The following SUSD1 variants were observed in gnomAD, a reference collection of about 807,000 sequenced individuals.
The protein encoded by SUSD1 is sushi domain containing 1, also known as sushi domain-containing protein 1.
Under a neutral mutation model 86.9 loss-of-function variants are expected in SUSD1, and 65 were observed. The observed-to-expected ratio is 0.75, with a 90% CI of 0.61 to 0.92. The LOEUF (loss-of-function observed/expected upper bound fraction) is 0.92. Among genes scored for constraint, SUSD1 ranks in the 40% least tolerant of loss-of-function variants. The pLI, the probability that SUSD1 is intolerant of heterozygous loss-of-function variation, is 0.00. For missense variants in SUSD1, 850 were observed against 929.7 expected (o/e 0.91, Z 1.11); for synonymous variants, 346 against 350.0 (o/e 0.99, Z 0.13).
chr9:112,099,765 C>T (rs1830549444), intron 9 of SUSD1, among the ~76,000 whole-genome samples: 1 of 152,180 alleles, frequency 6.6e-6, no homozygotes, highest in Non-Finnish European at 1.5e-5. Flanking sequence ...CTCCTTATTC[C>T]CATCAATCAC....
intron 1 of SUSD1, among the ~76,000 whole-genome samples, chr9:112,159,816 G>A (rs1241729376): frequency 2.6e-5 from 4 of 151,956 alleles, no homozygotes. Flanking sequence ...TTTCAAATTT[G>A]TTGCATTTTC....
intron 8 of SUSD1, among the ~76,000 whole-genome samples, chr9:112,106,818 G>A (rs1470079925): frequency 6.6e-6 from 1 of 150,464 alleles, no homozygotes. Context: ...CTTAACACTG[G>A]TGAAAAAAGA....
intron 12 of SUSD1, among the ~76,000 whole-genome samples, chr9:112,074,944 T>A (rs745432553): frequency 6.6e-6 from 1 of 152,096 alleles, no homozygotes; most frequent in African/African-American, 2.4e-5. Context: ...CTGGTGGCCA[T>A]GAGCACAGAG....
intron 5 of SUSD1, among the ~76,000 whole-genome samples, chr9:112,124,687 T>A (rs1053386117): frequency 6.6e-6 from 1 of 152,186 alleles, no homozygotes; most frequent in South Asian, 2.1e-4. Flanking sequence ...AAATAATATA[T>A]CTTAGGGTCC....
Position 112,058,681 on chromosome 9 carries a change from T to C in SUSD1, c.1856A>G (p.Tyr619Cys). ...GGCCAGGGGAAGCACTAACACCTGA[T>C]ATGAACTGGAAGAAAAAAGGAGAAG... Reference protein sequence around the residue: ...AKEKNGPISSYQVLVLPLALQ... With the variant: ...AKEKNGPISSCQVLVLPLALQ... The change falls in exon 14 of 17, where the codon TAT (tyrosine) becomes TGT (cysteine). Residue 619 changes from tyrosine to cysteine, a missense_variant. By Grantham distance (194) the Tyr-to-Cys change is radical. Coordinates refer to ENST00000374270, the MANE Select transcript of SUSD1 (RefSeq NM_022486.5). The C allele has an allele frequency of 6.2e-7, 1 of 1,613,990 alleles. No individual in the cohort carries two copies. The highest frequency in any genetic ancestry group is 8.5e-7 in the Non-Finnish European group (1 of 1,179,950).
In SUSD1 at chr9:112,075,673, G is replaced by T. The variant is rs139445990; in HGVS notation, c.1753+2865C>A. Among the ~76,000 whole-genome samples, 1,277 of 152,206 alleles carry T rather than the reference G, an allele frequency of 8.4e-3. 25 individuals are homozygous for T. Among genetic ancestry groups the T allele is most frequent in the Non-Finnish European group, 6.5e-3 (445 of 67,988 alleles). On this transcript the variant is annotated intron_variant, in intron 12 of 16. Coordinates refer to ENST00000374270, the MANE Select transcript of SUSD1 (RefSeq NM_022486.5). ...GGCAGAAGGATTGCTACAGCCCAGG[G>T]GCTCAAGGCTGCAGTGAGTTATGAT...
At position 112,081,868 on chromosome 9, in the gene SUSD1, C is replaced by T. The variant is rs117556943; in HGVS notation, c.1475-1703G>A. 8.3e-3 allele frequency among the ~76,000 whole-genome samples: 1,268 copies of T among 152,182 alleles called. 4 individuals carry two copies. Among genetic ancestry groups the T allele is most frequent in the Non-Finnish European group, 0.012 (847 of 68,010 alleles). On this transcript the variant is annotated intron_variant, in intron 10 of 16. Coordinates refer to ENST00000374270, the MANE Select transcript of SUSD1 (RefSeq NM_022486.5). ...CTATTAATAGGTTAAAAGAGAGAAA[C>T]CATGTGGTTACTTTTATAAATGGAA...
chr9:112,172,964 C>T (rs559685627), intron 1 of SUSD1, among the ~76,000 whole-genome samples: 1 of 152,176 alleles, frequency 6.6e-6, no homozygotes, highest in African/African-American at 2.4e-5. Flanking sequence ...AACCAGGAAG[C>T]CTTGACTTCT....
chr9:112,118,400 T>C lies in SUSD1; in HGVS notation c.887-5532A>G, dbSNP rs111483087. 7.2e-4 allele frequency among the ~76,000 whole-genome samples: 109 copies of C among 152,340 alleles called. 1 individual carries two copies. Among genetic ancestry groups the C allele is most frequent in the African/African-American group, 2.3e-3 (97 of 41,586 alleles). On this transcript the variant is annotated intron_variant, in intron 6 of 16. Coordinates refer to ENST00000374270, the MANE Select transcript of SUSD1 (RefSeq NM_022486.5). ...CTTTCTTTGAAGTCTTAGATTCACA[T>C]AAAATAAGTAGGAGTAGCATGGCTT... is the stretch of plus-strand genomic sequence containing the variant.
At chr9:112,156,218 C>T (rs927418977) in intron 2 of SUSD1, among the ~76,000 whole-genome samples, 1 of 151,662 alleles carries the variant, frequency 6.6e-6, no homozygotes, top group Non-Finnish European at 1.5e-5. Flanking sequence ...AATCCCAGCA[C>T]TTTGGGAGGC....
At chr9:112,143,378 C>A in intron 4 of SUSD1, 93 bp downstream of exon 4, 1 of 1,321,846 alleles carries the variant, frequency 7.6e-7, no homozygotes, top group Non-Finnish European at 1.1e-6. Flanking sequence ...CAGATCACCT[C>A]CACCTGCCTC....
At chr9:112,140,825 A>G (rs1334294196) in intron 5 of SUSD1, among the ~76,000 whole-genome samples, 1 of 152,224 alleles carries the variant, frequency 6.6e-6, no homozygotes, top group African/African-American at 2.4e-5. Flanking sequence ...AAACCTAGAT[A>G]GTAGAGCCTG....
intron 13 of SUSD1, among the ~76,000 whole-genome samples, chr9:112,061,666 T>C (rs1262458219): frequency 1.3e-5 from 2 of 152,208 alleles, no homozygotes; most frequent in African/African-American, 2.4e-5. Context: ...ATCAGAACAA[T>C]TTATACAATG....
chr9:112,104,170 C>G (rs1292966719), intron 8 of SUSD1, among the ~76,000 whole-genome samples: 1 of 151,868 alleles, frequency 6.6e-6, no homozygotes, highest in East Asian at 1.9e-4. Flanking sequence ...CATGCACCAC[C>G]AAGCCCAGCT....
chr9:112,090,876 G>C (rs1830177556), intron 10 of SUSD1, among the ~76,000 whole-genome samples: 1 of 152,092 alleles, frequency 6.6e-6, no homozygotes, highest in African/African-American at 2.4e-5. Context: ...TTTGGAGTCT[G>C]TGTCTATACG....
chr9:112,080,548 C>T (rs1829719622), intron 10 of SUSD1, among the ~76,000 whole-genome samples: 4 of 151,926 alleles, frequency 2.6e-5, no homozygotes, highest in Admixed American at 2.0e-4. Flanking sequence ...ACTAGCTGGG[C>T]GTGGTGGTGT....
intron 5 of SUSD1, among the ~76,000 whole-genome samples, chr9:112,137,560 G>C (rs1156230047): frequency 6.6e-6 from 1 of 152,128 alleles, no homozygotes; most frequent in Non-Finnish European, 1.5e-5. Flanking sequence ...TCCATTGAAA[G>C]ATCATCTTAG....
At chr9:112,157,249 T>C (rs1380520120) in intron 2 of SUSD1, among the ~76,000 whole-genome samples, 1 of 152,222 alleles carries the variant, frequency 6.6e-6, no homozygotes. Flanking sequence ...GTCAAATTTG[T>C]GTTAGGTCCC....
At chr9:112,128,280 G>A (rs568651859) in intron 5 of SUSD1, among the ~76,000 whole-genome samples, 1 of 152,096 alleles carries the variant, frequency 6.6e-6, no homozygotes, top group South Asian at 2.1e-4. Flanking sequence ...TTTTAGTAGA[G>A]ATGGGGTTTT....
Sources: allele counts gnomAD v4.1 joint callset (sites outside exome capture counted in the v4.1 genomes callset), GRCh38; gene constraint gnomAD v4.1.1; transcripts MANE v1.5; gene names NCBI Gene and HGNC (gene_info 2026-07-23, HGNC 2026-07-21).